ERC2: variants seen among roughly 807,000 people sequenced by gnomAD.
ERC2 encodes the protein ELKS/RAB6-interacting/CAST family member 2, also known as ERC protein 2.
ERC2 carries 42 observed loss-of-function variants against 114.8 expected under a neutral mutation model. The ratio of observed to expected loss-of-function variants is 0.37; its 90% CI spans 0.29 to 0.47. ERC2 has a LOEUF of 0.47. ERC2 is among the 20% of genes least tolerant of loss of function. The probability of loss-of-function intolerance (pLI) is 0.99; values close to 1 mark genes in which losing one functional copy is unlikely to be tolerated. For missense variants in ERC2, 939 were observed against 1,150.7 expected, an observed-to-expected ratio of 0.82 and a Z score of 2.66; for synonymous variants, 454 against 425.5, an observed-to-expected ratio of 1.07 and a Z score of -0.82.
chr3:55,822,549 A>AT (rs200091737), intron 14 of ERC2, among the ~76,000 whole-genome samples: 7,315 of 147,760 alleles, frequency 0.05, 224 homozygotes, highest in African/African-American at 0.086. Context: ...ACTTACAAGA[A>AT]TTTTTTTTTC....
intron 8 of ERC2, among the ~76,000 whole-genome samples, chr3:56,011,162 G>A (rs1330757053): frequency 6.6e-6 from 1 of 152,230 alleles, no homozygotes; most frequent in Non-Finnish European, 1.5e-5. Context: ...ATTTTCCAGT[G>A]TGTCTGAGGA....
chr3:56,463,775 T>C (rs2107585494), intron 1 of ERC2, among the ~76,000 whole-genome samples: 1 of 152,324 alleles, frequency 6.6e-6, no homozygotes, highest in Admixed American at 6.5e-5. Flanking sequence ...TCTATCTGCA[T>C]CTCCAACTCT....
intron 17 of ERC2, among the ~76,000 whole-genome samples, chr3:55,533,869 T>C (rs1018380422): frequency 1.3e-5 from 2 of 152,202 alleles, no homozygotes; most frequent in East Asian, 1.9e-4. Flanking sequence ...GATTTCATAT[T>C]ATTTTGATGA....
At chr3:56,292,398 T>G (rs1576302039) in intron 3 of ERC2, among the ~76,000 whole-genome samples, 1 of 140,270 alleles carries the variant, frequency 7.1e-6, no homozygotes, top group African/African-American at 2.7e-5. Flanking sequence ...GGCAACATGG[T>G]GAAACCCCGT....
intron 3 of ERC2, among the ~76,000 whole-genome samples, chr3:56,267,654 C>T (rs1269026593): frequency 6.6e-6 from 1 of 151,940 alleles, no homozygotes; most frequent in Non-Finnish European, 1.5e-5. Flanking sequence ...TGGCAGGCAC[C>T]TATAATCCCA....
intron 7 of ERC2, among the ~76,000 whole-genome samples, chr3:56,032,254 C>T (rs556486265): frequency 5.8e-4 from 88 of 152,294 alleles, no homozygotes; most frequent in Admixed American, 9.8e-4. Context: ...CTCAGGTATT[C>T]CTTGATAGCA....
chr3:56,447,613 T>C (rs1376511430), intron 1 of ERC2, among the ~76,000 whole-genome samples: 2 of 152,088 alleles, frequency 1.3e-5, no homozygotes. Flanking sequence ...GTTACAATAT[T>C]TATAAAATAT....
chr3:56,417,433 C>A (rs2061211281), intron 2 of ERC2, among the ~76,000 whole-genome samples: 1 of 152,090 alleles, frequency 6.6e-6, no homozygotes. Flanking sequence ...TTGTCCAGGG[C>A]AGCCATCTGA....
intron 7 of ERC2, among the ~76,000 whole-genome samples, chr3:56,033,346 T>TTCCACTATTA (rs1335490300): frequency 6.6e-6 from 1 of 152,250 alleles, no homozygotes; most frequent in East Asian, 1.9e-4. Context: ...GTCATTTATG[T>TTCCACTATTA]TCCACTATTA....
chr3:55,696,856 T>C (rs896666541), intron 16 of ERC2, among the ~76,000 whole-genome samples: 1 of 152,106 alleles, frequency 6.6e-6, no homozygotes, highest in Non-Finnish European at 1.5e-5. Flanking sequence ...CACACTAGGG[T>C]TCCTTGCTTA....
intron 6 of ERC2, among the ~76,000 whole-genome samples, chr3:56,116,684 T>C (rs1205163622): frequency 6.6e-6 from 1 of 152,196 alleles, no homozygotes; most frequent in Non-Finnish European, 1.5e-5. Flanking sequence ...CAACCTGGAA[T>C]GCCATGCCTT....
At chr3:55,583,387 T>TTTCCCTCCCTCC (rs1454611481) in intron 17 of ERC2, among the ~76,000 whole-genome samples, 8 of 127,682 alleles carry the variant, frequency 6.3e-5, no homozygotes, top group African/African-American at 2.4e-4. Context: ...TCCTTCTTTC[T>TTTCCCTCCCTCC]TTCCTTCCTT....
At chr3:55,649,465 T>C (rs1296127384) in intron 17 of ERC2, among the ~76,000 whole-genome samples, 1 of 152,246 alleles carries the variant, frequency 6.6e-6, no homozygotes, top group Non-Finnish European at 1.5e-5. Context: ...TTTCACCATA[T>C]TGGACAGGCT....
intron 16 of ERC2, among the ~76,000 whole-genome samples, chr3:55,690,126 A>C (rs922911586): frequency 3.3e-5 from 5 of 152,210 alleles, no homozygotes; most frequent in Non-Finnish European, 5.9e-5. Flanking sequence ...TAAGATCATT[A>C]ATAGATGGAT....
At chr3:56,258,633 A>G (rs1049045195) in intron 3 of ERC2, among the ~76,000 whole-genome samples, 1 of 152,206 alleles carries the variant, frequency 6.6e-6, no homozygotes, top group Non-Finnish European at 1.5e-5. Flanking sequence ...CAGCCTGGGC[A>G]ACACAGCGAG....
intron 6 of ERC2, among the ~76,000 whole-genome samples, chr3:56,130,339 T>A (rs2080128719): frequency 6.6e-6 from 1 of 152,128 alleles, no homozygotes; most frequent in Non-Finnish European, 1.5e-5. Flanking sequence ...CAGGACGAAT[T>A]CATGTACACC....
In ERC2 at chr3:55,706,812, C is replaced by T. The variant is rs545534479; in HGVS notation, c.2713-7300G>A. On this transcript the variant is annotated intron_variant, in intron 15 of 17. Transcript: ENST00000288221. ...TTGCACAGGACTAACACACCTGTGA[C>T]TCCTAGGCTCTTTTCCATGGATACT... Among the ~76,000 whole-genome samples, 4 of 152,296 alleles carry T rather than the reference C, an allele frequency of 2.6e-5. No individual in the cohort carries two copies. In the East Asian group the frequency reaches 7.7e-4, roughly 29 times the overall value.
At chr3:56,028,606 A>G (rs1306143782) in intron 7 of ERC2, among the ~76,000 whole-genome samples, 1 of 152,028 alleles carries the variant, frequency 6.6e-6, no homozygotes, top group Admixed American at 6.5e-5. Context: ...GCTTCCACAT[A>G]TTCTGTTGTT....
chr3:56,275,263 G>A (rs2053918580), intron 3 of ERC2, among the ~76,000 whole-genome samples: 1 of 152,160 alleles, frequency 6.6e-6, no homozygotes, highest in Non-Finnish European at 1.5e-5. Context: ...AACTCAAGCA[G>A]ACTGCTTTTC....
Sources: gnomAD v4.1 joint callset for allele counts (sites outside exome capture counted in the v4.1 genomes callset) on GRCh38, gnomAD v4.1.1 for gene constraint, MANE v1.5 for transcripts, NCBI Gene and HGNC (gene_info 2026-07-23, HGNC 2026-07-21) for gene names.